The following TFIP11 variants were observed in gnomAD, a reference collection of about 807,000 sequenced individuals.
TFIP11 encodes tuftelin interacting protein 11.
Under a neutral mutation model 96.8 loss-of-function variants are expected in TFIP11, and 86 were observed. The ratio of observed to expected loss-of-function variants is 0.89; its 90% CI spans 0.75 to 1.06. The LOEUF (loss-of-function observed/expected upper bound fraction) is 1.06, where lower values mean the gene tolerates loss of function less well. Among genes scored for constraint, TFIP11 ranks in the 50% least tolerant of loss-of-function variants. The pLI, the probability that TFIP11 is intolerant of heterozygous loss-of-function variation, is 0.00. For missense variants in TFIP11, 881 were observed against 1,076.7 expected, an observed-to-expected ratio of 0.82 and a Z score of 2.54; for synonymous variants, 405 against 395.2, an observed-to-expected ratio of 1.02 and a Z score of -0.29.
In TFIP11 at chr22:26,496,334, G is replaced by A. The variant is rs371813555; in HGVS notation, c.1606-18C>T. The A allele has an allele frequency of 6.3e-7, 1 of 1,579,762 alleles. No homozygotes were observed. Among genetic ancestry groups the A allele is most frequent in the Non-Finnish European group, 8.6e-7 (1 of 1,158,780 alleles). On this transcript the variant is annotated intron_variant, in intron 11 of 14. Coordinates refer to ENST00000407690, the MANE Select transcript of TFIP11 (RefSeq NM_012143.4). ...TTTTCCACCTGCGAAGTGGGGAGGA[G>A]AAACAGTTCATGTCGCCTGTGGGGC...
Position 26,496,870 on chromosome 22 carries a change from T to C in TFIP11, c.1456A>G (p.Met486Val). ...AFHRLIWEVW[M>V]PFVRNIVTQW... The stretch of plus-strand genomic sequence containing the variant: ...GTGACAATATTTCGAACAAAAGGCA[T>C]CCAGACTTCCCATATCAACCTATGG... Residue 486 changes from methionine (M) to valine (V), a missense_variant, in exon 11 of 15, where the codon ATG becomes GTG. By Grantham distance (21) the Met-to-Val change is conservative. Transcript: ENST00000407690. The C allele has an allele frequency of 6.2e-7, 1 of 1,614,036 alleles. No individual in the cohort carries two copies. Among genetic ancestry groups the C allele is most frequent in the Non-Finnish European group, 8.5e-7 (1 of 1,180,036 alleles).
chr22:26,509,861 A>T (rs770125946), intron 4 of TFIP11, among the ~76,000 whole-genome samples: 54 of 152,332 alleles, frequency 3.5e-4, no homozygotes, highest in Non-Finnish European at 4.6e-4. Context: ...GTCTCAAAAA[A>T]AATAATAATA....
Position 26,491,320 on chromosome 22 carries a change from C to G in TFIP11, c.*693G>C. ...TCCTTGGGGCGCCCAATTCATTGTG[C>G]AAAAGCATTTAAATCAAAATACCCT... On this transcript the variant is annotated 3_prime_UTR_variant, in exon 15 of 15. Coordinates refer to ENST00000407690, the MANE Select transcript of TFIP11 (RefSeq NM_012143.4). The G allele has an allele frequency of 2.6e-6, 2 of 775,752 alleles. No homozygotes were observed. The highest frequency in any genetic ancestry group is 4.2e-6 in the Non-Finnish European group (2 of 480,434). 48.1% of individuals were successfully genotyped at this position (775,752 alleles called of 1,614,324 possible).
At chr22:26,504,487 C>T (rs1923170658) in intron 6 of TFIP11, among the ~76,000 whole-genome samples, 1 of 151,198 alleles carries the variant, frequency 6.6e-6, no homozygotes, top group Non-Finnish European at 1.5e-5. Flanking sequence ...GGTCTTGAAC[C>T]AGCCTGGGCA....
rs1489231224 is a variant in TFIP11, at chr22:26,491,360, T to A, written c.*653A>T. 2.0e-5 allele frequency: 20 copies of A among 993,526 alleles called. No individual in the cohort carries two copies. Among genetic ancestry groups the A allele is most frequent in the Non-Finnish European group, 3.0e-5 (20 of 660,770 alleles). 61.5% of individuals were successfully genotyped at this position (993,526 alleles called of 1,614,324 possible). ...CAAAATACCCTATTTGTTATTTTTT[T>A]AAAAAGTAAAGTGGGGATGACAAGT... On this transcript the variant is annotated 3_prime_UTR_variant, in exon 15 of 15. Coordinates refer to ENST00000407690, the MANE Select transcript of TFIP11 (RefSeq NM_012143.4).
chr22:26,493,715 G>GT (rs1921529309), intron 14 of TFIP11: 1 of 182,054 alleles, frequency 5.5e-6, no homozygotes, highest in African/African-American at 2.4e-5. Context: ...AGATCTTACT[G>GT]TTTAACAGGT....
At chr22:26,505,696 C>CTATT (rs67577358) in intron 6 of TFIP11, among the ~76,000 whole-genome samples, 1,850 of 143,276 alleles carry the variant, frequency 0.013, 25 homozygotes, top group East Asian at 0.057. Context: ...TTTATTTATT[C>CTATT]TATTTATTTA....
intron 12 of TFIP11, among the ~76,000 whole-genome samples, chr22:26,495,541 A>AATATATATGTGTATATATATACACAT (rs1402888912): frequency 7.7e-5 from 10 of 130,268 alleles, no homozygotes; most frequent in African/African-American, 1.1e-4. Flanking sequence ...CGATTCTTAA[A>AATATATATGTGTATATATATACACAT]ATATATATGT....
intron 9 of TFIP11, 32 bp downstream of exon 9, chr22:26,499,072 G>T (rs754194953): frequency 6.3e-7 from 1 of 1,597,876 alleles, no homozygotes; most frequent in South Asian, 1.1e-5. Flanking sequence ...CAACCGAGAG[G>T]CAGGGATAGG....
rs1288785984 is a variant in TFIP11, at chr22:26,494,856, T to C, written c.1933A>G (p.Ile645Val). 3.1e-6 allele frequency: 5 copies of C among 1,614,148 alleles called. No homozygotes were observed. In the Admixed American group the frequency reaches 8.3e-5, roughly 27 times the overall value. Residue 645 changes from isoleucine (I) to valine (V), a missense_variant, in exon 13 of 15, where the codon ATC becomes GTC. Coordinates refer to ENST00000407690, the MANE Select transcript of TFIP11 (RefSeq NM_012143.4). ...FYWVIDWEGM[I>V]SVSSLVGLLE... is the part of the protein sequence containing the mutation. ...AGTCCCACCAGGCTAGAGACAGAGA[T>C]CATCCCTTCCCAGTCAATCACCCAA...
At chr22:26,492,397 G>A (rs773731544) in intron 14 of TFIP11, 29 bp from the exon 15 acceptor site, 9 of 1,604,814 alleles carry the variant, frequency 5.6e-6, no homozygotes, top group Admixed American at 1.7e-5. Flanking sequence ...GGGCGGTGAG[G>A]AGAGGTGTTT....
chr22:26,495,500 T>C (rs1278384927), intron 12 of TFIP11, among the ~76,000 whole-genome samples: 1 of 151,432 alleles, frequency 6.6e-6, no homozygotes, highest in Non-Finnish European at 1.5e-5. Flanking sequence ...GTAATCTGCT[T>C]TTAAAGGTCA....
chr22:26,502,151 T>C, intron 7 of TFIP11, 99 bp from the exon 8 acceptor site: 1 of 1,445,388 alleles, frequency 6.9e-7, no homozygotes, highest in Non-Finnish European at 9.6e-7. Context: ...ATTCACTGTC[T>C]TAGATTTATT....
At chr22:26,503,904 TGCTACTCAG>T in intron 6 of TFIP11, 111 bp from the exon 7 acceptor site, 1 of 1,394,842 alleles carries the variant, frequency 7.2e-7, no homozygotes, top group Non-Finnish European at 9.8e-7. Flanking sequence ...CAAAATAACA[TGCTACTCAG>T]GAAGGAGAGC....
In TFIP11 at chr22:26,503,724, C is replaced by T. The variant is rs752321351; in HGVS notation, c.590G>A (p.Arg197His). 3.1e-6 allele frequency: 5 copies of T among 1,613,828 alleles called. No individual in the cohort carries two copies. Among genetic ancestry groups the T allele is most frequent in the African/African-American group, 1.3e-5 (1 of 74,840 alleles). The change falls in exon 7 of 15, where the codon CGC becomes CAC. Residue 197 changes from arginine to histidine, a missense_variant. By Grantham distance (29) the Arg-to-His change is conservative (BLOSUM62 0). Transcript: ENST00000407690. ...KGAVGAYGSE[R>H]TTQSMQDFPV... ...GAAGTCTTGCATGGACTGAGTGGTG[C>T]GCTCGGATCCATAAGCCCCCACAGC...
intron 2 of TFIP11, chr22:26,511,065 A>C (rs1011149687): frequency 6.6e-6 from 1 of 152,270 alleles, no homozygotes; most frequent in African/African-American, 2.4e-5. Flanking sequence ...GAGCGACATA[A>C]CTAATGGAAT....
In TFIP11 at chr22:26,510,064, C is replaced by T. The variant is rs753930422; in HGVS notation, c.209G>A (p.Arg70Gln). The change falls in exon 4 of 15, where the codon CGG becomes CAG. Residue 70 changes from arginine to glutamine, a missense_variant and splice_region_variant. By Grantham distance (43) the Arg-to-Gln change is conservative. Coordinates refer to ENST00000407690, the MANE Select transcript of TFIP11 (RefSeq NM_012143.4). ...DDERPSFGGK[R>Q]ARDYSAPVNF... ...AAGCAGCCCCCATGCCAGGCAATAC[C>T]GTTTGCCTCCAAAGCTGGGCCTCTC... 1.4e-5 allele frequency: 23 copies of T among 1,612,896 alleles called. No homozygotes were observed. Among genetic ancestry groups the T allele is most frequent in the Admixed American group, 3.3e-5 (2 of 59,996 alleles).
chr22:26,495,949 A>T, intron 12 of TFIP11, 124 bp downstream of exon 12: 2 of 1,377,096 alleles, frequency 1.5e-6, no homozygotes, highest in Non-Finnish European at 2.0e-6. Context: ...TTTTCACAGC[A>T]AGGAATATTG....
rs747920354 is a variant in TFIP11, at chr22:26,491,705, T to G, written c.*308A>C. 1.3e-6 allele frequency: 2 copies of G among 1,577,730 alleles called. No homozygotes were observed. The highest frequency in any genetic ancestry group is 1.7e-6 in the Non-Finnish European group (2 of 1,158,324). Reference sequence around the variant, plus strand: ...GTGAGGTACTCAGTGTTGGCTGAGGTAGAAGCTGCCACCAGAGACTAAAGG... The same window carrying G: ...GTGAGGTACTCAGTGTTGGCTGAGGGAGAAGCTGCCACCAGAGACTAAAGG... On this transcript the variant is annotated 3_prime_UTR_variant, in exon 15 of 15. Coordinates refer to ENST00000407690, the MANE Select transcript of TFIP11 (RefSeq NM_012143.4).
Sources: allele counts gnomAD v4.1 joint callset (sites outside exome capture counted in the v4.1 genomes callset), GRCh38; gene constraint gnomAD v4.1.1; transcripts MANE v1.5; gene names NCBI Gene and HGNC (gene_info 2026-07-23, HGNC 2026-07-21).